Variants in MYRFL observed in about 807,000 individuals in gnomAD.
The protein encoded by MYRFL is myelin regulatory factor-like protein.
A neutral mutation model predicts 109.4 loss-of-function variants in MYRFL; 88 were observed. That is an observed-to-expected ratio of 0.80 (90% confidence interval 0.68 to 0.96). MYRFL has a LOEUF of 0.96. Ranked by LOEUF, MYRFL falls within the 40% of genes least tolerant of loss-of-function variation. The pLI is 0.00. For missense variants in MYRFL, 957 were observed against 954.9 expected (o/e 1.00, Z -0.03); for synonymous variants, 324 against 320.9 (o/e 1.01, Z -0.10).
intron 1 of MYRFL, among the ~76,000 whole-genome samples, chr12:69,837,233 G>A (rs1883000878): frequency 6.6e-6 from 1 of 152,146 alleles, no homozygotes; most frequent in African/African-American, 2.4e-5. Context: ...AGAACGAGAT[G>A]CCAATAAATA....
intron 1 of MYRFL, among the ~76,000 whole-genome samples, chr12:69,841,482 C>G (rs908165829): frequency 6.6e-6 from 1 of 152,202 alleles, no homozygotes; most frequent in Non-Finnish European, 1.5e-5. Flanking sequence ...TGTAAATGCT[C>G]TCACTATGGC....
chr12:69,894,328 A>G (rs75089981), intron 8 of MYRFL, among the ~76,000 whole-genome samples: 7,256 of 152,230 alleles, frequency 0.048, 182 homozygotes, highest in Middle Eastern at 0.11. Context: ...AATATTATGA[A>G]TATATGTTTA....
chr12:69,939,294 C>A (rs1055345685), intron 19 of MYRFL, among the ~76,000 whole-genome samples: 2 of 152,156 alleles, frequency 1.3e-5, no homozygotes, highest in African/African-American at 4.8e-5. Context: ...ATGTCCCTGT[C>A]TGACAGCTTT....
At chr12:69,861,196 C>T (rs1291970350) in intron 2 of MYRFL, among the ~76,000 whole-genome samples, 3 of 151,520 alleles carry the variant, frequency 2.0e-5, no homozygotes, top group South Asian at 2.1e-4. Flanking sequence ...CGAATAGTGC[C>T]GCAATAAACA....
At chr12:69,827,311 G>A (rs1034527311) in intron 1 of MYRFL, among the ~76,000 whole-genome samples, 1 of 151,252 alleles carries the variant, frequency 6.6e-6, no homozygotes, top group Non-Finnish European at 1.5e-5. Flanking sequence ...TGAATTAAAT[G>A]GCCTTGACTG....
chr12:69,905,583 G>T (rs997659541), intron 11 of MYRFL, among the ~76,000 whole-genome samples: 1 of 152,178 alleles, frequency 6.6e-6, no homozygotes, highest in Non-Finnish European at 1.5e-5. Context: ...ACTCTGTTTT[G>T]TTGTCTGTGA....
At chr12:69,892,969 G>T (rs1322727435) in intron 7 of MYRFL, among the ~76,000 whole-genome samples, 1 of 152,080 alleles carries the variant, frequency 6.6e-6, no homozygotes, top group Non-Finnish European at 1.5e-5. Flanking sequence ...AGATAATATA[G>T]TTTTCCATTG....
At chr12:69,872,200 C>T (rs1885394089) in intron 2 of MYRFL, among the ~76,000 whole-genome samples, 1 of 152,188 alleles carries the variant, frequency 6.6e-6, no homozygotes, top group South Asian at 2.1e-4. Flanking sequence ...ATTCATGAAA[C>T]TGCTTCACCC....
At chr12:69,912,569 T>C (rs962125930) in intron 13 of MYRFL, among the ~76,000 whole-genome samples, 2 of 152,216 alleles carry the variant, frequency 1.3e-5, no homozygotes, top group Admixed American at 1.3e-4. Context: ...TCTTTCTTTT[T>C]TTGTGGCTGG....
chr12:69,875,770 C>T (rs536027592), intron 2 of MYRFL, among the ~76,000 whole-genome samples: 1 of 152,280 alleles, frequency 6.6e-6, no homozygotes, highest in Non-Finnish European at 1.5e-5. Flanking sequence ...GCAGTTTCAT[C>T]CCGAAACCAT....
intron 22 of MYRFL, 38 bp downstream of exon 22, chr12:69,955,475 C>G: frequency 1.8e-6 from 1 of 554,444 alleles, no homozygotes; most frequent in South Asian, 2.6e-5. Context: ...TCATTTTTAT[C>G]ATTAGTTGAA....
chr12:69,952,577 G>A (rs553383829), intron 20 of MYRFL, among the ~76,000 whole-genome samples: 61 of 152,286 alleles, frequency 4.0e-4, no homozygotes, highest in African/African-American at 1.3e-3. Flanking sequence ...GTTTATTGGA[G>A]CCTGAGTTTT....
rs142907866 is a variant in MYRFL at position 69,917,762 on chromosome 12, A to T, written c.1602+6832A>T. 3.5e-3 allele frequency among the ~76,000 whole-genome samples: 531 copies of T among 152,294 alleles called. 1 individual carries two copies. Among genetic ancestry groups the T allele is most frequent in the Middle Eastern group, 0.031 (9 of 294 alleles). ...GGATACTGCTGACAAAAATTTGTGTATATTAATGCCTGAGTTTTTAAATCT... is the reference window on the plus strand; with the variant it reads ...GGATACTGCTGACAAAAATTTGTGTTTATTAATGCCTGAGTTTTTAAATCT... On this transcript the variant is annotated intron_variant, in intron 13 of 24. Coordinates refer to ENST00000552032, the MANE Select transcript of MYRFL (RefSeq NM_182530.3).
intron 1 of MYRFL, among the ~76,000 whole-genome samples, chr12:69,841,884 G>C (rs905444079): frequency 6.6e-6 from 1 of 152,168 alleles, no homozygotes; most frequent in African/African-American, 2.4e-5. Flanking sequence ...TGGGACCTAT[G>C]CTAAGCACTT....
intron 1 of MYRFL, among the ~76,000 whole-genome samples, chr12:69,846,967 C>A (rs575796372): frequency 4.1e-4 from 62 of 151,994 alleles, no homozygotes; most frequent in African/African-American, 1.5e-3. Flanking sequence ...AGCATTTTTT[C>A]ATGTGTTTTT....
intron 19 of MYRFL, among the ~76,000 whole-genome samples, chr12:69,946,077 C>T (rs545814805): frequency 4.7e-4 from 70 of 149,032 alleles, no homozygotes; most frequent in Non-Finnish European, 3.4e-4. Flanking sequence ...TACAATTCTT[C>T]CAAATGTATA....
chr12:69,884,374 G>C (rs1886319086), intron 5 of MYRFL, among the ~76,000 whole-genome samples: 1 of 152,184 alleles, frequency 6.6e-6, no homozygotes. Flanking sequence ...GCTTTTCCCA[G>C]CTTATAGCCA....
chr12:69,894,900 G>A (rs1447954831), intron 8 of MYRFL, among the ~76,000 whole-genome samples: 2 of 152,206 alleles, frequency 1.3e-5, no homozygotes, highest in Non-Finnish European at 2.9e-5. Flanking sequence ...CCCTTGTCTG[G>A]GCAGGGTGTT....
intron 13 of MYRFL, among the ~76,000 whole-genome samples, chr12:69,915,848 G>A (rs990533575): frequency 1.3e-5 from 2 of 151,846 alleles, no homozygotes; most frequent in African/African-American, 4.8e-5. Flanking sequence ...ATTTGTTTCT[G>A]TGATTCTTTC....
Sources: gnomAD v4.1 joint callset for allele counts (sites outside exome capture counted in the v4.1 genomes callset) on GRCh38, gnomAD v4.1.1 for gene constraint, MANE v1.5 for transcripts, NCBI Gene and HGNC (gene_info 2026-07-23, HGNC 2026-07-21) for gene names.